The following TRIM2 variants were observed in gnomAD, a reference collection of about 807,000 sequenced individuals.
TRIM2 encodes tripartite motif-containing protein 2.
TRIM2 carries 20 observed loss-of-function variants against 75.2 expected under a neutral mutation model. The ratio of observed to expected loss-of-function variants is 0.27; its 90% CI spans 0.19 to 0.39. The LOEUF is 0.39. Ranked by LOEUF, TRIM2 falls within the 10% of genes least tolerant of loss-of-function variation. The pLI, the probability that TRIM2 is intolerant of heterozygous loss-of-function variation, is 1.00. For missense variants in TRIM2, 660 were observed against 990.8 expected, an observed-to-expected ratio of 0.67 and a Z score of 4.48; for synonymous variants, 373 against 388.3, an observed-to-expected ratio of 0.96 and a Z score of 0.46.
At chr4:153,257,634 C>A (rs780585443) in intron 1 of TRIM2, 1 of 1,260,274 alleles carries the variant, frequency 7.9e-7, no homozygotes, top group South Asian at 1.2e-5. Flanking sequence ...AGTCTCTTTG[C>A]ATGGTGCTTC....
chr4:153,309,473 TACTC>T (rs1344835178), intron 6 of TRIM2, among the ~76,000 whole-genome samples: 2 of 152,186 alleles, frequency 1.3e-5, no homozygotes, highest in South Asian at 2.1e-4. Flanking sequence ...GGTTGTAATT[TACTC>T]ACTCATTAAT....
At chr4:153,160,788 G>C (rs777051608) in intron 1 of TRIM2, among the ~76,000 whole-genome samples, 1 of 152,098 alleles carries the variant, frequency 6.6e-6, no homozygotes, top group African/African-American at 2.4e-5. Context: ...TTTTCATAGA[G>C]ACAAGGGTCT....
At chr4:153,169,847 T>C (rs1730669533) in intron 1 of TRIM2, among the ~76,000 whole-genome samples, 1 of 152,240 alleles carries the variant, frequency 6.6e-6, no homozygotes, top group African/African-American at 2.4e-5. Context: ...TGCCTAAATA[T>C]GGGATACGTG....
chr4:153,292,943 A>T (rs750811999), intron 3 of TRIM2, 39 bp from the exon 4 acceptor site: 2 of 1,548,230 alleles, frequency 1.3e-6, no homozygotes, highest in African/African-American at 1.4e-5. Context: ...CCCTCAACCC[A>T]TGGCCCAGAA....
chr4:153,188,202 G>A lies in TRIM2; in HGVS notation c.-49+34932G>A, dbSNP rs143953808. On this transcript the variant is annotated intron_variant, in intron 1 of 11. Transcript: ENST00000437508. ...GGGCCAGGCGCGGTGGCTCACGCCT[G>A]TAATCCTAACACCTTGGGAGTCTTC... 6.0e-3 allele frequency among the ~76,000 whole-genome samples: 913 copies of A among 152,338 alleles called. 11 individuals carry two copies. The highest frequency in any genetic ancestry group is 0.019 in the African/African-American group (779 of 41,584).
chr4:153,331,042 T>C (rs1771370176), intron 11 of TRIM2, among the ~76,000 whole-genome samples: 2 of 152,132 alleles, frequency 1.3e-5, no homozygotes, highest in African/African-American at 4.8e-5. Context: ...TCAATTATGG[T>C]CAGGCACGGT....
chr4:153,244,258 C>CTT (rs1282105504), intron 1 of TRIM2, among the ~76,000 whole-genome samples: 45 of 2,584 alleles, frequency 0.017, 7 homozygotes, highest in African/African-American at 0.037. Flanking sequence ...CTTCTTTCCT[C>CTT]CTCCTCCTCC....
intron 1 of TRIM2, among the ~76,000 whole-genome samples, chr4:153,269,562 A>G (rs1756114202): frequency 1.3e-5 from 2 of 152,220 alleles, no homozygotes; most frequent in Admixed American, 6.5e-5. Flanking sequence ...AAAGTGACAT[A>G]TTTTGATGTG....
chr4:153,317,975 C>T (rs538466670), intron 8 of TRIM2, among the ~76,000 whole-genome samples: 29 of 152,282 alleles, frequency 1.9e-4, no homozygotes, highest in African/African-American at 7.0e-4. Flanking sequence ...AAAAAAAAGA[C>T]CTATCTCATA....
At chr4:153,244,894 C>T (rs1312290456) in intron 1 of TRIM2, among the ~76,000 whole-genome samples, 1 of 152,184 alleles carries the variant, frequency 6.6e-6, no homozygotes, top group Non-Finnish European at 1.5e-5. Context: ...ACAGCTAAAT[C>T]ATTTGTGATC....
At position 153,260,885 on chromosome 4, in the gene TRIM2, T is replaced by C. The variant is rs559502673; in HGVS notation, c.31-9450T>C. ...CACTAAAGATTGTCCTCTTTTCTTC[T>C]AATTGAGACCTCAGTAACAATGCAA... is the stretch of plus-strand genomic sequence containing the variant. On this transcript the variant is annotated intron_variant, in intron 1 of 11. Coordinates refer to ENST00000338700, the MANE Select transcript of TRIM2 (RefSeq NM_015271.5). Among the ~76,000 whole-genome samples, 4 of 152,332 alleles carry C rather than the reference T, an allele frequency of 2.6e-5. No individual in the cohort carries two copies. The South Asian group carries it at 8.3e-4, about 32-fold the overall frequency.
chr4:153,163,316 T>G (rs1195839029), intron 1 of TRIM2, among the ~76,000 whole-genome samples: 1 of 151,636 alleles, frequency 6.6e-6, no homozygotes, highest in East Asian at 1.9e-4. Flanking sequence ...CTCCTGAGTA[T>G]CTGGGACTAC....
Position 153,335,716 on chromosome 4 carries a change from T to C in TRIM2, c.*750T>C, listed in dbSNP as rs1205316232. 6.1e-6 allele frequency: 6 copies of C among 985,682 alleles called. No homozygotes were observed. The highest frequency in any genetic ancestry group is 6.0e-6 in the Non-Finnish European group (5 of 829,940). 61.1% of individuals were successfully genotyped at this position (985,682 alleles called of 1,614,324 possible). A position where few individuals can be genotyped will look rare whatever the true frequency, so the allele number is the denominator to read the frequency against. On this transcript the variant is annotated 3_prime_UTR_variant, in exon 12 of 12. Transcript: ENST00000338700. ...CTTGAAAAGCATATTACAAAAGTAA[T>C]GCTACCTTTTGGGAAACAAACTGCC...
intron 1 of TRIM2, among the ~76,000 whole-genome samples, chr4:153,154,008 G>A (rs1325202108): frequency 3.9e-5 from 6 of 152,102 alleles, no homozygotes; most frequent in Non-Finnish European, 8.8e-5. Flanking sequence ...ATTGCTAAAA[G>A]GAATCTTGAA....
chr4:153,190,291 A>G (rs183662431), intron 1 of TRIM2, among the ~76,000 whole-genome samples: 26 of 152,374 alleles, frequency 1.7e-4, no homozygotes, highest in East Asian at 1.2e-3. Flanking sequence ...ACCTTAAACA[A>G]TAGCCAGATG....
intron 1 of TRIM2, among the ~76,000 whole-genome samples, chr4:153,264,030 G>A (rs774487109): frequency 2.2e-4 from 34 of 152,194 alleles, no homozygotes; most frequent in Admixed American, 6.5e-4. Context: ...GAGGTGACCC[G>A]TGCTACGGAG....
upstream of TRIM2, chr4:153,204,430 C>G (rs2081977362): frequency 7.2e-7 from 1 of 1,396,668 alleles, no homozygotes; most frequent in Admixed American, 2.0e-5. Context: ...TAGTAAGGGC[C>G]ACCCTTTAAC....
intron 1 of TRIM2, among the ~76,000 whole-genome samples, chr4:153,175,313 C>G (rs1047495528): frequency 2.0e-5 from 3 of 152,090 alleles, no homozygotes; most frequent in African/African-American, 7.2e-5. Flanking sequence ...AGCCACCGAG[C>G]CCGGCCCCAA....
At chr4:153,215,661 A>G (rs1481246765) in intron 1 of TRIM2, among the ~76,000 whole-genome samples, 1 of 152,144 alleles carries the variant, frequency 6.6e-6, no homozygotes, top group Non-Finnish European at 1.5e-5. Context: ...TTTGAATTAT[A>G]TTTATTAAAA....
Sources: gnomAD v4.1 joint callset for allele counts (sites outside exome capture counted in the v4.1 genomes callset) on GRCh38, gnomAD v4.1.1 for gene constraint, MANE v1.5 for transcripts, NCBI Gene and HGNC (gene_info 2026-07-23, HGNC 2026-07-21) for gene names.